Variants in CPLANE1 observed in about 807,000 individuals in gnomAD.
The protein encoded by CPLANE1 is ciliogenesis and planar polarity effector complex subunit 1.
In CPLANE1, 263 loss-of-function variants were observed where a neutral mutation model predicts 362.5. The ratio of observed to expected loss-of-function variants is 0.73; its 90% CI spans 0.66 to 0.80. The LOEUF is 0.80. CPLANE1 is among the 30% of genes least tolerant of loss of function. The pLI is 0.00. For missense variants in CPLANE1, 3,461 were observed against 3,793.4 expected (o/e 0.91, Z 2.30); for synonymous variants, 1,212 against 1,302.6 (o/e 0.93, Z 1.50).
intron 51 of CPLANE1, among the ~76,000 whole-genome samples, chr5:37,112,580 T>C (rs1759663691): frequency 6.6e-6 from 1 of 152,196 alleles, no homozygotes; most frequent in Non-Finnish European, 1.5e-5. Flanking sequence ...GTACTCTTTC[T>C]CTAGGACGGT....
chr5:37,225,618 G>A lies in CPLANE1; in HGVS notation c.2291+686C>T, dbSNP rs1287136249. Among the ~76,000 whole-genome samples, 2 of 152,052 alleles carry A rather than the reference G, an allele frequency of 1.3e-5. 1 individual carries two copies. Among genetic ancestry groups the A allele is most frequent in the Admixed American group, 1.3e-4 (2 of 15,280 alleles). ...TATAATCCCAACACTTTGGGAGGCT[G>A]AAGCGGGCGGATCACCTGAGGTCAG... On this transcript the variant is annotated intron_variant, in intron 12 of 52. Coordinates refer to ENST00000651892, the MANE Select transcript of CPLANE1 (RefSeq NM_001384732.1).
At position 37,224,640 on chromosome 5, in the gene CPLANE1, T is replaced by C; in HGVS notation, c.2392A>G (p.Met798Val). The change falls in exon 13 of 53, where the codon ATG (methionine) becomes GTG (valine). Residue 798 changes from methionine (M) to valine (V), a missense_variant. By Grantham distance (21) the Met-to-Val change is conservative (BLOSUM62 1). This residue lies in a region of CPLANE1 where 3,380 missense variants were observed against 3,666.1 expected (regional missense o/e 0.92). Coordinates refer to ENST00000651892, the MANE Select transcript of CPLANE1 (RefSeq NM_001384732.1). ...PEADSQLTEKMTHEASTVKSL... is the reference protein window; with the variant it reads ...PEADSQLTEKVTHEASTVKSL... Reference sequence around the variant, plus strand: ...TTGACAGTAGATGCTTCATGTGTCATCTTTTCAGTTAACTGACTATCAGCT... The same window carrying C: ...TTGACAGTAGATGCTTCATGTGTCACCTTTTCAGTTAACTGACTATCAGCT... 6.4e-7 allele frequency: 1 copy of C among 1,551,362 alleles called. No individual in the cohort carries two copies. Among genetic ancestry groups the C allele is most frequent in the African/African-American group, 1.4e-5 (1 of 73,174 alleles).
chr5:37,113,076 CA>C (rs1003499457), intron 51 of CPLANE1, among the ~76,000 whole-genome samples: 5 of 152,104 alleles, frequency 3.3e-5, no homozygotes, highest in African/African-American at 1.2e-4. Context: ...GACTAGAAAA[CA>C]ATTCATAATG....
chr5:37,234,749 C>T (rs1292955232), intron 8 of CPLANE1, among the ~76,000 whole-genome samples: 1 of 152,158 alleles, frequency 6.6e-6, no homozygotes, highest in African/African-American at 2.4e-5. Context: ...CTATTATATT[C>T]AGAATGTGTT....
In CPLANE1 at chr5:37,182,862, T is replaced by C. The variant is rs746130512; in HGVS notation, c.5319A>G (p.Pro1773=). ...GITESSSEYS[P]VIRVKTSTAA... ...CTGTAGAGGTCTTTACACGAATTACTGGACTGTACTCAGAGGATGACTCAG... is the reference window on the plus strand; with the variant it reads ...CTGTAGAGGTCTTTACACGAATTACCGGACTGTACTCAGAGGATGACTCAG... Residue 1773 remains proline, a synonymous_variant, in exon 26 of 53, where the codon CCA becomes CCG. Transcript: ENST00000651892. 1.1e-5 allele frequency: 17 copies of C among 1,611,698 alleles called. No individual in the cohort carries two copies. In the South Asian group the frequency reaches 1.5e-4, roughly 15 times the overall value.
chr5:37,123,930 T>TACACACACACACACAC lies in CPLANE1; in HGVS notation c.8958+1298_8958+1313dup, dbSNP rs56833956. Among the ~76,000 whole-genome samples, 559 of 144,514 alleles carry TACACACACACACACAC rather than the reference T, an allele frequency of 3.9e-3. 5 individuals carry two copies. Among genetic ancestry groups the TACACACACACACACAC allele is most frequent in the African/African-American group, 0.013 (502 of 39,242 alleles). The allele number at this position is 144,514 out of a possible 152,430, so 94.8% of individuals were successfully genotyped here. A position where few individuals can be genotyped will look rare whatever the true frequency, so the allele number is the denominator to read the frequency against. On this transcript the variant is annotated intron_variant, in intron 47 of 52. Coordinates refer to ENST00000651892, the MANE Select transcript of CPLANE1 (RefSeq NM_001384732.1). ...CATTCTACATTAGGCTAGGGGAACA[T>TACACACACACACACAC]ACACACACACACACACACACACACA...
At chr5:37,196,062 T>C (rs1580636722) in intron 20 of CPLANE1, 66 bp from the exon 21 acceptor site, 1 of 1,348,978 alleles carries the variant, frequency 7.4e-7, no homozygotes, top group South Asian at 1.8e-5. Context: ...AAAGAAACTA[T>C]AAAAGAATCA....
the CPLANE1 span, among the ~76,000 whole-genome samples, chr5:37,076,317 T>A: frequency 3.3e-5 from 5 of 151,594 alleles, no homozygotes; most frequent in Non-Finnish European, 5.9e-5. Context: ...ATGTCAAACT[T>A]TTTTTTTCTT....
At chr5:37,165,196 C>G (rs1777912663) in intron 36 of CPLANE1, among the ~76,000 whole-genome samples, 1 of 152,150 alleles carries the variant, frequency 6.6e-6, no homozygotes. Context: ...CTAGAGGAAT[C>G]TCAGAGAACG....
chr5:37,187,990 A>G lies in CPLANE1; in HGVS notation c.3812-148T>C, dbSNP rs16903527. ...GAACACATGCTCATTGTAAATTTAT[A>G]TAAAAGTCCTTATATAAAAGTCATG... On this transcript the variant is annotated intron_variant, in intron 21 of 52. Coordinates refer to ENST00000651892, the MANE Select transcript of CPLANE1 (RefSeq NM_001384732.1). The G allele has an allele frequency of 2.9e-3, 1,381 of 472,568 alleles. 18 individuals carry two copies. Among genetic ancestry groups the G allele is most frequent in the African/African-American group, 0.024 (1,240 of 51,110 alleles). 29.3% of individuals were successfully genotyped at this position (472,568 alleles called of 1,614,324 possible).
chr5:37,236,507 A>T (rs1799019493), intron 8 of CPLANE1, among the ~76,000 whole-genome samples: 2 of 152,326 alleles, frequency 1.3e-5, no homozygotes, highest in Non-Finnish European at 1.5e-5. Flanking sequence ...TCTTCTGGAC[A>T]TTGGGCTAGG....
At position 37,230,943 on chromosome 5, in the gene CPLANE1, T is replaced by A; in HGVS notation, c.1045A>T (p.Thr349Ser). The change falls in exon 9 of 53, where the codon ACA becomes TCA. Residue 349 changes from threonine to serine, a missense_variant. By Grantham distance (58) the Thr-to-Ser change is moderately conservative (BLOSUM62 1). Around this residue, in one of 2 missense-constraint regions of CPLANE1, gnomAD observed 3,380 missense variants for 3,666.1 expected, o/e 0.92. Coordinates refer to ENST00000651892, the MANE Select transcript of CPLANE1 (RefSeq NM_001384732.1). The part of the protein sequence containing the change: ...VLLTCQGELL[T>S]LITFGCSIEF... ...ATAGAGCAACCAAATGTAATTAATG[T>A]TAGCAATTCACCTTGGCAGGTCAAT... 2 of 1,550,732 alleles carry A rather than the reference T, an allele frequency of 1.3e-6. No individual in the cohort carries two copies. Among genetic ancestry groups the A allele is most frequent in the South Asian group, 2.4e-5 (2 of 83,796 alleles).
At chr5:37,197,528 C>G (rs1787871113) in intron 20 of CPLANE1, among the ~76,000 whole-genome samples, 2 of 152,102 alleles carry the variant, frequency 1.3e-5, no homozygotes, top group Admixed American at 1.3e-4. Flanking sequence ...GAATGTAGCC[C>G]CGCTGCCACC....
intron 29 of CPLANE1, 80 bp from the exon 30 acceptor site, chr5:37,177,780 T>C: frequency 9.5e-7 from 1 of 1,055,704 alleles, no homozygotes; most frequent in South Asian, 1.4e-5. Context: ...GAGTCTCATA[T>C]TAGCCACTTA....
intron 42 of CPLANE1, among the ~76,000 whole-genome samples, chr5:37,150,690 G>A (rs1773262135): frequency 6.6e-6 from 1 of 152,084 alleles, no homozygotes; most frequent in African/African-American, 2.4e-5. Flanking sequence ...CATTCTTACT[G>A]CTCAAATTCA....
intron 21 of CPLANE1, among the ~76,000 whole-genome samples, chr5:37,192,334 A>T (rs1785772258): frequency 6.6e-6 from 1 of 152,162 alleles, no homozygotes; most frequent in Non-Finnish European, 1.5e-5. Context: ...TTGAACTCCT[A>T]GGCTCAAGCA....
chr5:37,212,348 C>T, intron 16 of CPLANE1: 1 of 852,892 alleles, frequency 1.2e-6, no homozygotes, highest in Non-Finnish European at 2.1e-6. Context: ...GTTTAACACG[C>T]TTTTCTCATG....
chr5:37,210,775 GC>G, intron 16 of CPLANE1: 4 of 1,348,372 alleles, frequency 3.0e-6, no homozygotes, highest in Non-Finnish European at 4.3e-6. Flanking sequence ...CTCCTAAACC[GC>G]CTAGCTCAGC....
intron 8 of CPLANE1, among the ~76,000 whole-genome samples, chr5:37,236,538 C>T (rs1799028717): frequency 6.6e-6 from 1 of 152,022 alleles, no homozygotes; most frequent in South Asian, 2.1e-4. Flanking sequence ...ATGACCACAT[C>T]CTCAAAAGCA....
Sources: allele counts gnomAD v4.1 joint callset (sites outside exome capture counted in the v4.1 genomes callset), GRCh38; gene constraint gnomAD v4.1.1; regional missense constraint gnomAD v4.1.1; transcripts MANE v1.5; gene names NCBI Gene and HGNC (gene_info 2026-07-23, HGNC 2026-07-21).